PDE4D: variants seen among roughly 807,000 people sequenced by gnomAD.
PDE4D encodes the protein phosphodiesterase 4D, also known as 3',5'-cyclic-AMP phosphodiesterase 4D.
PDE4D carries 24 observed loss-of-function variants against 87.4 expected under a neutral mutation model. That is an observed-to-expected ratio of 0.27 (90% CI 0.20 to 0.39). The LOEUF (loss-of-function observed/expected upper bound fraction) is 0.39. Ranked by LOEUF, PDE4D falls within the 10% of genes least tolerant of loss-of-function variation. PDE4D has a pLI of 1.00. For missense variants in PDE4D, 714 were observed against 1,041.0 expected (o/e 0.69, Z 4.32); for synonymous variants, 384 against 383.2 (o/e 1.00, Z -0.02).
chr5:59,193,769 C>G, intron 2 of PDE4D: 1 of 985,390 alleles, frequency 1.0e-6, no homozygotes, highest in Non-Finnish European at 1.2e-6. Flanking sequence ...GATCATCAGC[C>G]AGGGTCACTG....
chr5:59,014,245 G>A (rs966403440), intron 6 of PDE4D, among the ~76,000 whole-genome samples: 3 of 152,176 alleles, frequency 2.0e-5, no homozygotes, highest in Non-Finnish European at 2.9e-5. Flanking sequence ...ACAAGACAGG[G>A]ATGCCTTCTC....
chr5:59,761,212 G>A (rs764127726), intron 1 of PDE4D, among the ~76,000 whole-genome samples: 3 of 152,130 alleles, frequency 2.0e-5, no homozygotes, highest in Non-Finnish European at 4.4e-5. Context: ...ATACCTGTAT[G>A]GGGCACTGAC....
intron 1 of PDE4D, among the ~76,000 whole-genome samples, chr5:60,336,173 C>A (rs967387952): frequency 2.0e-5 from 3 of 152,182 alleles, no homozygotes; most frequent in Non-Finnish European, 2.9e-5. Context: ...GTAGTATAAA[C>A]AGTGGACTTG....
chr5:60,374,794 A>G (rs1761304857), intron 1 of PDE4D, among the ~76,000 whole-genome samples: 1 of 152,178 alleles, frequency 6.6e-6, no homozygotes, highest in African/African-American at 2.4e-5. Context: ...TCCAGACTTC[A>G]TTTGCTACTT....
At chr5:59,230,963 A>C (rs1438195447) in intron 1 of PDE4D, among the ~76,000 whole-genome samples, 1 of 152,220 alleles carries the variant, frequency 6.6e-6, no homozygotes, top group Non-Finnish European at 1.5e-5. Flanking sequence ...TGCCTCTTCA[A>C]TTCTTTTAAA....
At chr5:59,516,016 A>G (rs1370251140) in intron 1 of PDE4D, among the ~76,000 whole-genome samples, 2 of 152,228 alleles carry the variant, frequency 1.3e-5, no homozygotes, top group Non-Finnish European at 2.9e-5. Context: ...GAAATAAAAA[A>G]CTTGAAAAAT....
chr5:59,723,499 T>C (rs565912682), intron 1 of PDE4D, among the ~76,000 whole-genome samples: 9 of 152,266 alleles, frequency 5.9e-5, no homozygotes, highest in East Asian at 3.9e-4. Context: ...CTAATGTGGA[T>C]AAATACAGAT....
intron 5 of PDE4D, among the ~76,000 whole-genome samples, chr5:59,128,618 G>C (rs1339337758): frequency 6.6e-6 from 1 of 152,176 alleles, no homozygotes; most frequent in African/African-American, 2.4e-5. Flanking sequence ...CATTTCGCTT[G>C]ATGATGGAAT....
intron 3 of PDE4D, among the ~76,000 whole-genome samples, chr5:59,933,788 ATATT>A (rs142474877): frequency 0.41 from 58,788 of 144,986 alleles, 11,950 homozygotes; most frequent in African/African-American, 0.49. Flanking sequence ...ATATATATAT[ATATT>A]AATAAGCATT....
intron 1 of PDE4D, among the ~76,000 whole-genome samples, chr5:59,343,053 G>A (rs1277351466): frequency 6.6e-6 from 1 of 151,468 alleles, no homozygotes; most frequent in Non-Finnish European, 1.5e-5. Flanking sequence ...TGTCATGGGG[G>A]TATTAAGCCT....
intron 11 of PDE4D, among the ~76,000 whole-genome samples, chr5:58,984,318 A>C (rs1005279522): frequency 6.6e-6 from 1 of 152,138 alleles, no homozygotes; most frequent in Non-Finnish European, 1.5e-5. Flanking sequence ...CCATAAATTC[A>C]CTTATTATGC....
At chr5:59,171,175 C>G (rs1045263129) in intron 5 of PDE4D, among the ~76,000 whole-genome samples, 72 of 152,340 alleles carry the variant, frequency 4.7e-4, no homozygotes, top group African/African-American at 1.7e-3. Flanking sequence ...AGCCACCACA[C>G]CTGGCTCATA....
intron 1 of PDE4D, among the ~76,000 whole-genome samples, chr5:59,589,527 C>T (rs1430303031): frequency 6.6e-6 from 1 of 151,990 alleles, no homozygotes; most frequent in Non-Finnish European, 1.5e-5. Flanking sequence ...GAGTAGGTCT[C>T]CATAGAAAGT....
At chr5:60,460,755 C>G (rs112540736) in intron 1 of PDE4D, 1 of 639,334 alleles carries the variant, frequency 1.6e-6, no homozygotes, top group East Asian at 2.8e-5. Flanking sequence ...TAGGGAAGTC[C>G]AAGAACCAGA....
chr5:60,280,916 G>A (rs1033543160), intron 1 of PDE4D, among the ~76,000 whole-genome samples: 2 of 152,120 alleles, frequency 1.3e-5, no homozygotes, highest in Admixed American at 1.3e-4. Context: ...AATCTCTAAG[G>A]CTTTGGAGGT....
chr5:59,574,115 T>TAA (rs1822603185), intron 1 of PDE4D, among the ~76,000 whole-genome samples: 3 of 3,774 alleles, frequency 7.9e-4, no homozygotes, highest in African/African-American at 1.4e-3. Context: ...TATATATATA[T>TAA]ATAAATATAT....
intron 1 of PDE4D, among the ~76,000 whole-genome samples, chr5:60,300,645 A>T (rs1459590067): frequency 6.6e-6 from 1 of 152,174 alleles, no homozygotes; most frequent in Non-Finnish European, 1.5e-5. Flanking sequence ...ACCACCATTT[A>T]TTAAGTATGG....
At chr5:59,282,244 T>G (rs1477997462) in intron 1 of PDE4D, among the ~76,000 whole-genome samples, 1 of 152,190 alleles carries the variant, frequency 6.6e-6, no homozygotes, top group African/African-American at 2.4e-5. Flanking sequence ...CTTACTTCAA[T>G]AATTCTTAAA....
At chr5:60,267,319 A>T (rs1750320982) in intron 1 of PDE4D, among the ~76,000 whole-genome samples, 1 of 152,294 alleles carries the variant, frequency 6.6e-6, no homozygotes, top group Non-Finnish European at 1.5e-5. Context: ...GTGTGTGTTT[A>T]TATCTTTCTG....
Sources: allele counts gnomAD v4.1 joint callset (sites outside exome capture counted in the v4.1 genomes callset), GRCh38; gene constraint gnomAD v4.1.1; transcripts MANE v1.5; gene names NCBI Gene and HGNC (gene_info 2026-07-23, HGNC 2026-07-21).